LHFPL3: variants seen among roughly 807,000 people sequenced by gnomAD.
The protein encoded by LHFPL3 is LHFPL tetraspan subfamily member 3.
LHFPL3 carries 5 observed loss-of-function variants against 19.3 expected under a neutral mutation model. The observed-to-expected ratio is 0.26, with a 90% CI of 0.14 to 0.54. The LOEUF is 0.54. Among genes scored for constraint, LHFPL3 ranks in the 20% least tolerant of loss-of-function variants. LHFPL3 has a pLI of 0.94. For synonymous variants in LHFPL3, 133 were observed against 126.2 expected, an observed-to-expected ratio of 1.05 and a Z score of -0.36; for missense variants, 249 against 307.4, an observed-to-expected ratio of 0.81 and a Z score of 1.42.
At position 104,328,622 on chromosome 7, in the gene LHFPL3, G is replaced by A. The variant is rs1801507353; in HGVS notation, c.-158G>A. On this transcript the variant is annotated 5_prime_UTR_variant, in exon 1 of 3. Coordinates refer to ENST00000424859, the MANE Select transcript of LHFPL3 (RefSeq NM_199000.3). The surrounding 1 kb of genome is among the most constrained non-coding windows in gnomAD (Gnocchi z 4.6). ...CTCCGCGCTCCCCCGCCCTCCTTCC[G>A]GGAGCGAGGATGCAGACTCTGAAAC... The A allele has an allele frequency of 3.0e-6, 2 of 672,116 alleles. No individual in the cohort carries two copies. The highest frequency in any genetic ancestry group is 5.0e-6 in the Non-Finnish European group (2 of 399,388). 41.6% of individuals were successfully genotyped at this position (672,116 alleles called of 1,614,324 possible).
intron 1 of LHFPL3, among the ~76,000 whole-genome samples, chr7:104,424,213 A>C (rs1791793138): frequency 6.6e-6 from 1 of 152,218 alleles, no homozygotes; most frequent in Admixed American, 6.5e-5. Context: ...TATTATCAAG[A>C]AATTGGTTTT....
intron 1 of LHFPL3, among the ~76,000 whole-genome samples, chr7:104,629,255 G>C (rs1791599286): frequency 6.6e-6 from 1 of 152,018 alleles, no homozygotes; most frequent in Admixed American, 6.6e-5. Context: ...TGACATCACG[G>C]GTGTTCATAT....
intron 1 of LHFPL3, among the ~76,000 whole-genome samples, chr7:104,440,322 C>A (rs1346087066): frequency 1.3e-5 from 2 of 151,856 alleles, no homozygotes; most frequent in African/African-American, 4.8e-5. Context: ...GAACAAAAAA[C>A]CAAACACTGC....
At chr7:104,465,397 G>A (rs1268065470) in intron 1 of LHFPL3, among the ~76,000 whole-genome samples, 1 of 152,062 alleles carries the variant, frequency 6.6e-6, no homozygotes, top group African/African-American at 2.4e-5. Context: ...ACATTTTCGG[G>A]TATTTTTACA....
intron 1 of LHFPL3, among the ~76,000 whole-genome samples, chr7:104,594,356 C>G (rs573415732): frequency 1.3e-5 from 2 of 152,184 alleles, no homozygotes; most frequent in African/African-American, 4.8e-5. Context: ...AGAATGTTGA[C>G]TATTGGCTCC....
intron 1 of LHFPL3, among the ~76,000 whole-genome samples, chr7:104,585,179 C>T (rs1374156414): frequency 6.6e-6 from 1 of 151,976 alleles, no homozygotes; most frequent in Non-Finnish European, 1.5e-5. Context: ...TAGCCCGACG[C>T]TGCATGGGCC....
Position 104,880,997 on chromosome 7 carries a change from C to T in LHFPL3, c.683-25190C>T, listed in dbSNP as rs557487845. On this transcript the variant is annotated intron_variant, in intron 2 of 2. Transcript: ENST00000424859. The stretch of plus-strand genomic sequence containing the variant: ...CTTCCTGGCTAACACAATGAAACCC[C>T]ATCTCTACTGAAAATACAAAATATT... Among the ~76,000 whole-genome samples the T allele has an allele frequency of 4.3e-3, 650 of 152,050 alleles. 2 individuals carry two copies. The highest frequency in any genetic ancestry group is 0.01 in the Middle Eastern group (3 of 294).
At chr7:104,403,236 CT>C (rs1370774091) in intron 1 of LHFPL3, among the ~76,000 whole-genome samples, 5 of 152,316 alleles carry the variant, frequency 3.3e-5, no homozygotes, top group Admixed American at 3.3e-4. Flanking sequence ...GTCTTTGAAA[CT>C]TAGCTCAGAA....
Position 104,517,859 on chromosome 7 carries a change from C to G in LHFPL3, c.445+188635C>G, listed in dbSNP as rs144818251. 3.3e-5 allele frequency among the ~76,000 whole-genome samples: 5 copies of G among 152,072 alleles called. No individual in the cohort carries two copies. In the East Asian group the frequency reaches 9.7e-4, roughly 29 times the overall value. On this transcript the variant is annotated intron_variant, in intron 1 of 2. Coordinates refer to ENST00000424859, the MANE Select transcript of LHFPL3 (RefSeq NM_199000.3). ...TGTACTTATTTTTGTGAGCAACACT[C>G]TTGTTACAGGGTGGGGACCTGGGGG... is the stretch of plus-strand genomic sequence containing the variant.
chr7:104,797,937 AAACAAC>A (rs906410281), intron 2 of LHFPL3, among the ~76,000 whole-genome samples: 16 of 148,332 alleles, frequency 1.1e-4, no homozygotes, highest in East Asian at 4.5e-4. Context: ...AAAACAAACC[AAACAAC>A]AACAACAACA....
chr7:104,840,006 C>T (rs1048277269), intron 2 of LHFPL3, among the ~76,000 whole-genome samples: 6 of 149,570 alleles, frequency 4.0e-5, no homozygotes, highest in Admixed American at 4.0e-4. Flanking sequence ...ATTAATTGAT[C>T]ATTAAAATTA....
chr7:104,530,870 T>C (rs974844737), intron 1 of LHFPL3, among the ~76,000 whole-genome samples: 4 of 152,222 alleles, frequency 2.6e-5, no homozygotes, highest in African/African-American at 9.6e-5. Flanking sequence ...CATTTACTTG[T>C]CTGGTAATAA....
intron 1 of LHFPL3, among the ~76,000 whole-genome samples, chr7:104,381,922 A>G (rs945089841): frequency 1.3e-5 from 2 of 152,232 alleles, no homozygotes; most frequent in African/African-American, 4.8e-5. Flanking sequence ...ACTGCCAAAT[A>G]TTAGCATAGA....
intron 1 of LHFPL3, among the ~76,000 whole-genome samples, chr7:104,369,755 A>G (rs915186442): frequency 6.6e-6 from 1 of 152,176 alleles, no homozygotes; most frequent in Admixed American, 6.5e-5. Flanking sequence ...ATTGTGGTGT[A>G]AATTTGCATT....
chr7:104,825,944 G>A (rs1790810610), intron 2 of LHFPL3, among the ~76,000 whole-genome samples: 1 of 151,874 alleles, frequency 6.6e-6, no homozygotes, highest in Non-Finnish European at 1.5e-5. Flanking sequence ...CTTCAAGGAA[G>A]GCTGGAAAAG....
rs557599823 is a variant in LHFPL3, at chr7:104,746,181, G to A, written c.682+9270G>A. 5.4e-4 allele frequency among the ~76,000 whole-genome samples: 82 copies of A among 152,228 alleles called. 1 individual carries two copies. The South Asian group carries it at 0.011, about 20-fold the overall frequency. On this transcript the variant is annotated intron_variant, in intron 2 of 2. Coordinates refer to ENST00000424859, the MANE Select transcript of LHFPL3 (RefSeq NM_199000.3). ...CAAAAAATTATCCAGGTATGGTGGC[G>A]GATGCCTGTAGTCCCAGATACTTGG...
intron 2 of LHFPL3, among the ~76,000 whole-genome samples, chr7:104,761,179 G>A (rs1192940145): frequency 2.0e-5 from 3 of 152,136 alleles, no homozygotes; most frequent in Non-Finnish European, 4.4e-5. Context: ...AGTGAAGTTA[G>A]GCTGCAGAAG....
At chr7:104,694,678 G>A (rs1792966075) in intron 1 of LHFPL3, among the ~76,000 whole-genome samples, 1 of 152,182 alleles carries the variant, frequency 6.6e-6, no homozygotes, top group Non-Finnish European at 1.5e-5. Context: ...GTTTGTCACA[G>A]GTGAGTGGCA....
chr7:104,361,239 C>G (rs1162298352), intron 1 of LHFPL3, among the ~76,000 whole-genome samples: 1 of 152,148 alleles, frequency 6.6e-6, no homozygotes, highest in East Asian at 1.9e-4. Context: ...TAGCATCATC[C>G]CCTTTTAAGG....
Sources: gnomAD v4.1 joint callset for allele counts (sites outside exome capture counted in the v4.1 genomes callset) on GRCh38, gnomAD v4.1.1 for gene constraint, Gnocchi (gnomAD v3.1) non-coding constraint, MANE v1.5 for transcripts, NCBI Gene and HGNC (gene_info 2026-07-23, HGNC 2026-07-21) for gene names.